Variants in STPG2 observed in about 807,000 individuals in gnomAD.
STPG2 encodes the protein sperm tail PG-rich repeat containing 2.
A neutral mutation model predicts 54.2 loss-of-function variants in STPG2; 56 were observed. The observed-to-expected ratio is 1.03, with a 90% CI of 0.83 to 1.29. The LOEUF is 1.29. STPG2 is among the 50% of genes most tolerant of loss of function. The pLI is 0.00. For synonymous variants in STPG2, 200 were observed against 181.8 expected (o/e 1.10, Z -0.81); for missense variants, 596 against 544.9 (o/e 1.09, Z -0.93).
chr4:97,950,190 A>C lies in STPG2; in HGVS notation c.934-6183T>G, dbSNP rs143950402. 4.2e-3 allele frequency among the ~76,000 whole-genome samples: 642 copies of C among 152,194 alleles called. 3 individuals are homozygous for C. The highest frequency in any genetic ancestry group is 0.024 in the South Asian group (117 of 4,832). On this transcript the variant is annotated intron_variant, in intron 7 of 10. Coordinates refer to ENST00000295268, the MANE Select transcript of STPG2 (RefSeq NM_174952.3). ...TTCACCTTTCTCTAGTATCTCAAATAAATTTTCCAAACATTATACTTTCTC... is the reference window on the plus strand; with the variant it reads ...TTCACCTTTCTCTAGTATCTCAAATCAATTTTCCAAACATTATACTTTCTC...
At chr4:97,981,833 T>TTATATATATATATATA (rs3047345) in intron 5 of STPG2, among the ~76,000 whole-genome samples, 107 of 143,364 alleles carry the variant, frequency 7.5e-4, no homozygotes, top group African/African-American at 2.6e-3. Context: ...TATAAAATGT[T>TTATATATATATATATA]TATATATATA....
At chr4:98,016,058 G>C (rs1458050724) in intron 5 of STPG2, among the ~76,000 whole-genome samples, 1 of 152,132 alleles carries the variant, frequency 6.6e-6, no homozygotes, top group Non-Finnish European at 1.5e-5. Flanking sequence ...GGCCTGTGTG[G>C]GGGTGGAAGG....
intron 2 of STPG2, 86 bp from the exon 3 acceptor site, chr4:98,128,678 A>C (rs1739900484): frequency 9.3e-7 from 1 of 1,070,388 alleles, no homozygotes; most frequent in African/African-American, 1.6e-5. Flanking sequence ...CTAAAAGGCA[A>C]CTATTAAATA....
chr4:97,955,467 G>A (rs182333987), intron 7 of STPG2, among the ~76,000 whole-genome samples: 23 of 151,982 alleles, frequency 1.5e-4, no homozygotes, highest in Admixed American at 8.5e-4. Flanking sequence ...CACCCATCTC[G>A]GCCTCCCAAA....
intron 4 of STPG2, among the ~76,000 whole-genome samples, chr4:97,526,574 G>A (rs1458297068): frequency 1.3e-5 from 2 of 152,000 alleles, no homozygotes; most frequent in African/African-American, 4.8e-5. Context: ...CTGGATATCA[G>A]CCCTTTGTCA....
At chr4:98,093,537 A>C (rs1738753683) in intron 5 of STPG2, among the ~76,000 whole-genome samples, 1 of 152,220 alleles carries the variant, frequency 6.6e-6, no homozygotes, top group Admixed American at 6.5e-5. Context: ...GCTGGAACAC[A>C]AAATTTTAAC....
chr4:98,125,118 A>G (rs1263649703), intron 3 of STPG2, among the ~76,000 whole-genome samples: 1 of 152,184 alleles, frequency 6.6e-6, no homozygotes, highest in Non-Finnish European at 1.5e-5. Flanking sequence ...TGGGTAGAAC[A>G]TGCTCCTTTC....
At chr4:97,789,890 T>A (rs769279860) in intron 9 of STPG2, among the ~76,000 whole-genome samples, 1 of 152,118 alleles carries the variant, frequency 6.6e-6, no homozygotes, top group Non-Finnish European at 1.5e-5. Context: ...TCCTTGCAAA[T>A]TTTCTTTCTT....
At chr4:97,596,189 G>T (rs989297350) in intron 10 of STPG2, among the ~76,000 whole-genome samples, 1 of 152,062 alleles carries the variant, frequency 6.6e-6, no homozygotes, top group African/African-American at 2.4e-5. Context: ...AATGGTAAAG[G>T]CTTCAATTTA....
At chr4:97,750,122 G>A (rs1310420716) in intron 9 of STPG2, among the ~76,000 whole-genome samples, 2 of 151,838 alleles carry the variant, frequency 1.3e-5, no homozygotes, top group Non-Finnish European at 2.9e-5. Flanking sequence ...GGCCAAAATA[G>A]AATGCTTTCT....
At chr4:98,026,844 T>C (rs1736439996) in intron 5 of STPG2, among the ~76,000 whole-genome samples, 1 of 152,220 alleles carries the variant, frequency 6.6e-6, no homozygotes, top group Admixed American at 6.5e-5. Flanking sequence ...AGTACATTTG[T>C]AGAGGCTTCC....
chr4:98,075,976 G>C (rs1415360144), intron 5 of STPG2, among the ~76,000 whole-genome samples: 1 of 152,192 alleles, frequency 6.6e-6, no homozygotes, highest in African/African-American at 2.4e-5. Context: ...TGGGCACAGT[G>C]GCTCACGCCT....
intron 8 of STPG2, among the ~76,000 whole-genome samples, chr4:97,905,373 G>T (rs1731365335): frequency 6.6e-6 from 1 of 151,974 alleles, no homozygotes; most frequent in South Asian, 2.1e-4. Flanking sequence ...ATAAGTGAAG[G>T]AGAAATAAAA....
intron 5 of STPG2, among the ~76,000 whole-genome samples, chr4:97,984,177 GAGAC>G (rs1323489455): frequency 1.3e-5 from 2 of 151,040 alleles, no homozygotes; most frequent in Non-Finnish European, 2.9e-5. Context: ...CTTTTTTTCT[GAGAC>G]AGAGTCTCAT....
intron 8 of STPG2, among the ~76,000 whole-genome samples, chr4:97,863,770 C>T (rs1729652696): frequency 6.6e-6 from 1 of 152,076 alleles, no homozygotes; most frequent in East Asian, 1.9e-4. Flanking sequence ...GGGCTTCATC[C>T]CTGGGATGCA....
intron 4 of STPG2, among the ~76,000 whole-genome samples, chr4:97,447,924 C>T (rs182821045): frequency 6.6e-6 from 1 of 152,144 alleles, no homozygotes; most frequent in African/African-American, 2.4e-5. Flanking sequence ...TTGCACCCTG[C>T]AGCTGGGAAA....
At chr4:97,828,023 C>A (rs1234848557) in intron 9 of STPG2, among the ~76,000 whole-genome samples, 4 of 152,066 alleles carry the variant, frequency 2.6e-5, no homozygotes, top group Non-Finnish European at 5.9e-5. Context: ...ATCTGATATT[C>A]CTTTTATGGA....
At chr4:98,103,384 G>A (rs1739100445) in intron 5 of STPG2, among the ~76,000 whole-genome samples, 1 of 152,058 alleles carries the variant, frequency 6.6e-6, no homozygotes, top group African/African-American at 2.4e-5. Flanking sequence ...ACTCACACCT[G>A]TAATCCTAGC....
At chr4:97,525,749 C>T (rs113801414) in intron 4 of STPG2, among the ~76,000 whole-genome samples, 1 of 151,854 alleles carries the variant, frequency 6.6e-6, no homozygotes, top group African/African-American at 2.4e-5. Flanking sequence ...ATTAAAGGAA[C>T]AATTCTAAGT....
Sources: gnomAD v4.1 joint callset for allele counts (sites outside exome capture counted in the v4.1 genomes callset) on GRCh38, gnomAD v4.1.1 for gene constraint, MANE v1.5 for transcripts, NCBI Gene and HGNC (gene_info 2026-07-23, HGNC 2026-07-21) for gene names.